Variants in SLC9A9 observed in about 807,000 individuals in gnomAD.
SLC9A9 encodes solute carrier family 9 member A9.
Under a neutral mutation model 77.8 loss-of-function variants are expected in SLC9A9, and 62 were observed. The observed-to-expected ratio is 0.80, with a 90% CI of 0.65 to 0.98. The LOEUF is 0.98. Ranked by LOEUF, SLC9A9 falls within the 50% of genes least tolerant of loss-of-function variation. The pLI is 0.00. For synonymous variants in SLC9A9, 320 were observed against 283.5 expected (o/e 1.13, Z -1.29); for missense variants, 775 against 774.9 (o/e 1.00, Z 0.00).
chr3:143,327,431 C>T (rs892924012), intron 14 of SLC9A9, among the ~76,000 whole-genome samples: 1 of 152,150 alleles, frequency 6.6e-6, no homozygotes, highest in African/African-American at 2.4e-5. Context: ...CCATATGGAA[C>T]AATATGAGTT....
rs73009339 is a variant in SLC9A9 at position 143,692,803 on chromosome 3, C to T, written c.649+389G>A. On this transcript the variant is annotated intron_variant, in intron 5 of 15. Transcript: ENST00000316549. ...CACACATAAAATACACTAACACTAA[C>T]GATACCTGATGAGCAAATAGAAAGG... 9.1e-3 allele frequency among the ~76,000 whole-genome samples: 1,380 copies of T among 152,240 alleles called. 25 individuals are homozygous for T. The highest frequency in any genetic ancestry group is 0.031 in the African/African-American group (1,299 of 41,544).
intron 14 of SLC9A9, among the ~76,000 whole-genome samples, chr3:143,355,336 C>T (rs1486573546): frequency 2.6e-5 from 4 of 152,096 alleles, no homozygotes; most frequent in African/African-American, 4.8e-5. Context: ...AGACATGTGG[C>T]TATCAGTAGG....
intron 13 of SLC9A9, among the ~76,000 whole-genome samples, chr3:143,378,330 G>T (rs1188918128): frequency 6.6e-6 from 1 of 152,168 alleles, no homozygotes; most frequent in Non-Finnish European, 1.5e-5. Context: ...GAACCAAACT[G>T]TCTGGGTTCA....
intron 2 of SLC9A9, among the ~76,000 whole-genome samples, chr3:143,803,212 C>T (rs1246804889): frequency 6.6e-6 from 1 of 152,200 alleles, no homozygotes; most frequent in Non-Finnish European, 1.5e-5. Flanking sequence ...CCCCCCTCTT[C>T]CTCCTGGAAG....
chr3:143,293,604 T>C (rs2030115807), intron 14 of SLC9A9, among the ~76,000 whole-genome samples: 1 of 152,222 alleles, frequency 6.6e-6, no homozygotes, highest in Non-Finnish European at 1.5e-5. Flanking sequence ...CTGGGTATTA[T>C]TGTGGAAGTT....
intron 4 of SLC9A9, among the ~76,000 whole-genome samples, chr3:143,709,092 G>A (rs1361939518): frequency 6.6e-6 from 1 of 152,160 alleles, no homozygotes; most frequent in African/African-American, 2.4e-5. Context: ...AAACATAAAT[G>A]AGTAGTAATT....
rs549852801 is a variant in SLC9A9 at position 143,345,455 on chromosome 3, C to G, written c.1604+18029G>C. Among the ~76,000 whole-genome samples, 6 of 152,220 alleles carry G rather than the reference C, an allele frequency of 3.9e-5. No individual in the cohort carries two copies. In the East Asian group the frequency reaches 1.2e-3, roughly 29 times the overall value. ...GCTCAAAAGACACATCAGAGGAGAA[C>G]TGAAAAATATCCATCTGGTTTAGCA... On this transcript the variant is annotated intron_variant, in intron 14 of 15. Coordinates refer to ENST00000316549, the MANE Select transcript of SLC9A9 (RefSeq NM_173653.4).
chr3:143,311,776 C>G (rs988032263), intron 14 of SLC9A9, among the ~76,000 whole-genome samples: 1 of 152,162 alleles, frequency 6.6e-6, no homozygotes, highest in Non-Finnish European at 1.5e-5. Context: ...TCTTTTGTCT[C>G]TGTGTGTGAT....
intron 2 of SLC9A9, among the ~76,000 whole-genome samples, chr3:143,828,420 C>G (rs778805837): frequency 6.6e-6 from 1 of 152,124 alleles, no homozygotes; most frequent in Non-Finnish European, 1.5e-5. Flanking sequence ...GGTATGGTCC[C>G]TGCCTTTGTG....
At chr3:143,453,765 C>A (rs1171528648) in intron 12 of SLC9A9, among the ~76,000 whole-genome samples, 1 of 148,578 alleles carries the variant, frequency 6.7e-6, no homozygotes, top group Non-Finnish European at 1.5e-5. Context: ...CCCCATTCTA[C>A]TTTCTACAGT....
intron 12 of SLC9A9, among the ~76,000 whole-genome samples, chr3:143,406,092 T>A (rs2108515737): frequency 6.6e-6 from 1 of 152,324 alleles, no homozygotes; most frequent in Admixed American, 6.5e-5. Context: ...ATCTTGTTGA[T>A]ATGCTAGCTA....
At chr3:143,546,947 C>T (rs2036801374) in intron 9 of SLC9A9, among the ~76,000 whole-genome samples, 1 of 152,164 alleles carries the variant, frequency 6.6e-6, no homozygotes, top group Non-Finnish European at 1.5e-5. Context: ...TACCTTGAAC[C>T]CATTCTATTC....
intron 12 of SLC9A9, among the ~76,000 whole-genome samples, chr3:143,415,009 G>A (rs2034166450): frequency 6.6e-6 from 1 of 152,180 alleles, no homozygotes; most frequent in Non-Finnish European, 1.5e-5. Context: ...TGAAAGGCAG[G>A]AAGTTTTAGC....
At chr3:143,332,299 T>C (rs1395274671) in intron 14 of SLC9A9, among the ~76,000 whole-genome samples, 1 of 91,454 alleles carries the variant, frequency 1.1e-5, no homozygotes. Flanking sequence ...TGTAGGGTTC[T>C]AAAAAACCTC....
intron 9 of SLC9A9, among the ~76,000 whole-genome samples, chr3:143,537,241 A>T (rs959970247): frequency 6.6e-6 from 1 of 152,220 alleles, no homozygotes; most frequent in Non-Finnish European, 1.5e-5. Context: ...AGACTAAATA[A>T]ATTAGAAATC....
At chr3:143,830,739 A>G (rs953133536) in intron 2 of SLC9A9, among the ~76,000 whole-genome samples, 1 of 152,214 alleles carries the variant, frequency 6.6e-6, no homozygotes, top group Non-Finnish European at 1.5e-5. Context: ...TATGTTGCTA[A>G]CAAGTTTAAA....
At chr3:143,517,527 G>T (rs952772864) in intron 9 of SLC9A9, 4 of 1,597,382 alleles carry the variant, frequency 2.5e-6, no homozygotes, top group South Asian at 2.2e-5. Context: ...TACTTTCTCC[G>T]ATGTTCTGCA....
chr3:143,774,459 G>C (rs1404810014), intron 4 of SLC9A9, among the ~76,000 whole-genome samples: 1 of 152,144 alleles, frequency 6.6e-6, no homozygotes, highest in African/African-American at 2.4e-5. Flanking sequence ...TTTGCCATGT[G>C]ATGTTTGGGA....
rs559603598 is a variant in SLC9A9 at position 143,766,698 on chromosome 3, T to A, written c.533+28303A>T. On this transcript the variant is annotated intron_variant, in intron 4 of 15. Transcript: ENST00000316549. ...GATTCTCCTGCCTCAGCCTTCTGAA[T>A]AGTTGGAACTACAGGTGCCACCACC... Among the ~76,000 whole-genome samples the A allele has an allele frequency of 2.0e-5, 3 of 152,284 alleles. No homozygotes were observed. In the South Asian group the frequency reaches 6.2e-4, roughly 32 times the overall value.
Sources: gnomAD v4.1 joint callset for allele counts (sites outside exome capture counted in the v4.1 genomes callset) on GRCh38, gnomAD v4.1.1 for gene constraint, MANE v1.5 for transcripts, NCBI Gene and HGNC (gene_info 2026-07-23, HGNC 2026-07-21) for gene names.